BCO1: variants seen among roughly 807,000 people sequenced by gnomAD.
BCO1 encodes beta-carotene oxygenase 1, also known as beta,beta-carotene 15,15'-dioxygenase.
Under a neutral mutation model 56.3 loss-of-function variants are expected in BCO1, and 54 were observed. The ratio of observed to expected loss-of-function variants is 0.96; its 90% CI spans 0.77 to 1.20. BCO1 has a LOEUF of 1.20. Among genes scored for constraint, BCO1 ranks in the 50% most tolerant of loss-of-function variants. The pLI, the probability that BCO1 is intolerant of heterozygous loss-of-function variation, is 0.00. For synonymous variants in BCO1, 318 were observed against 266.1 expected, an observed-to-expected ratio of 1.20 and a Z score of -1.90; for missense variants, 801 against 690.9, an observed-to-expected ratio of 1.16 and a Z score of -1.79.
chr16:81,290,202 C>T lies in BCO1; in HGVS notation c.1415-146C>T. ...CTGATGCCTAGTTGCCAGGCCTTTC[C>T]CTTCTGTTACAGTGTCTCAAATTCA... On this transcript the variant is annotated intron_variant, in intron 10 of 10. Coordinates refer to ENST00000258168, the MANE Select transcript of BCO1 (RefSeq NM_017429.3). The T allele has an allele frequency of 3.9e-6, 3 of 766,764 alleles. No individual in the cohort carries two copies. In the South Asian group the frequency reaches 4.7e-5, roughly 12 times the overall value. 47.5% of individuals were successfully genotyped at this position (766,764 alleles called of 1,614,324 possible).
At chr16:81,250,469 T>C (rs1905720148) in intron 2 of BCO1, among the ~76,000 whole-genome samples, 1 of 151,970 alleles carries the variant, frequency 6.6e-6, no homozygotes, top group African/African-American at 2.4e-5. Flanking sequence ...TCAGTTCCAC[T>C]CTAGCGGGTT....
chr16:81,277,511 A>G (rs1384327606), intron 7 of BCO1, among the ~76,000 whole-genome samples: 4 of 152,180 alleles, frequency 2.6e-5, no homozygotes, highest in African/African-American at 9.7e-5. Flanking sequence ...GCTCAGATGC[A>G]GGTGGAAACC....
intron 3 of BCO1, 27 bp downstream of exon 3, chr16:81,259,832 A>T (rs1395080701): frequency 6.2e-7 from 1 of 1,614,016 alleles, no homozygotes; most frequent in South Asian, 1.1e-5. Context: ...AATCTGAGCA[A>T]ATTTCATGCT....
At chr16:81,269,244 A>G (rs1597365051) in intron 6 of BCO1, among the ~76,000 whole-genome samples, 1 of 147,578 alleles carries the variant, frequency 6.8e-6, no homozygotes, top group Admixed American at 6.8e-5. Context: ...AGCCACTGCT[A>G]CCCACTGACA....
intron 2 of BCO1, among the ~76,000 whole-genome samples, chr16:81,251,021 C>G (rs1472469984): frequency 6.6e-6 from 1 of 152,190 alleles, no homozygotes; most frequent in Non-Finnish European, 1.5e-5. Flanking sequence ...CAATGGGCCT[C>G]TAGCCTGGCT....
intron 4 of BCO1, 90 bp downstream of exon 4, chr16:81,262,373 A>T: frequency 1.4e-6 from 2 of 1,443,002 alleles, no homozygotes; most frequent in Non-Finnish European, 1.9e-6. Context: ...GCCTGCAAGC[A>T]GCTTACCAGG....
In BCO1 at chr16:81,290,739, C is replaced by G. The variant is rs189831160; in HGVS notation, c.*162C>G. The G allele has an allele frequency of 6.5e-6, 4 of 613,636 alleles. No individual in the cohort carries two copies. The African/African-American group carries it at 7.4e-5, about 11-fold the overall frequency. The allele number at this position is 613,636 out of a possible 1,614,324, so 38.0% of individuals were successfully genotyped here. Reference sequence around the variant, plus strand: ...GAGAGCTTGTCAGTATCATTTCTTTCATTTTATTTTGGCTGTAAAAATTTT... The same window carrying G: ...GAGAGCTTGTCAGTATCATTTCTTTGATTTTATTTTGGCTGTAAAAATTTT... On this transcript the variant is annotated 3_prime_UTR_variant, in exon 11 of 11. Coordinates refer to ENST00000258168, the MANE Select transcript of BCO1 (RefSeq NM_017429.3).
intron 8 of BCO1, 37 bp downstream of exon 8, chr16:81,280,999 G>A (rs1351434322): frequency 6.6e-7 from 1 of 1,513,802 alleles, no homozygotes; most frequent in African/African-American, 1.4e-5. Flanking sequence ...TTAGGAAAGG[G>A]GCAGATTTTC....
rs751597130 is a variant in BCO1, at chr16:81,259,660, G to C, written c.194-16G>C. 6.2e-6 allele frequency: 10 copies of C among 1,614,182 alleles called. No homozygotes were observed. The highest frequency in any genetic ancestry group is 8.5e-6 in the Non-Finnish European group (10 of 1,180,016). On this transcript the variant is annotated splice_polypyrimidine_tract_variant and intron_variant, in intron 2 of 10. Coordinates refer to ENST00000258168, the MANE Select transcript of BCO1 (RefSeq NM_017429.3). ...GAAGGCGTCAGCCTGAGATTATGCT[G>C]GTTCTTCTCTTGCAGGTGAAGTCTA...
chr16:81,287,489 AC>A (rs573976599), intron 10 of BCO1, 83 bp downstream of exon 10: 18 of 1,079,158 alleles, frequency 1.7e-5, no homozygotes, highest in East Asian at 2.4e-5. Context: ...GGGGCAGCTG[AC>A]CCCCCCAGGT....
chr16:81,290,424 T>C lies in BCO1; in HGVS notation c.1491T>C (p.Phe497=), dbSNP rs1400269947. ...TGCTCATTCTGGATGCCAAAAGCTT[T>C]ACGGAATTGGCCCGTGCCTCTGTTG... ...PFLLILDAKS[F]TELARASVDV... is the part of the protein sequence containing the mutation. The change falls in exon 11 of 11, where the codon TTT becomes TTC. Residue 497 remains phenylalanine, a synonymous_variant. Transcript: ENST00000258168. 2 of 1,614,216 alleles carry C rather than the reference T, an allele frequency of 1.2e-6. No homozygotes were observed. Among genetic ancestry groups the C allele is most frequent in the Admixed American group, 1.7e-5 (1 of 60,022 alleles).
chr16:81,259,534 G>A, intron 2 of BCO1, 142 bp from the exon 3 acceptor site: 2 of 759,938 alleles, frequency 2.6e-6, no homozygotes, highest in Non-Finnish European at 4.3e-6. Flanking sequence ...AATGCGAATT[G>A]TATCGGCCCT....
chr16:81,244,894 T>G lies in BCO1; in HGVS notation c.65-581T>G, dbSNP rs191098253. On this transcript the variant is annotated intron_variant, in intron 1 of 10. Coordinates refer to ENST00000258168, the MANE Select transcript of BCO1 (RefSeq NM_017429.3). ...GCCACCACAATGAGCTATGTTTTTTTGGGGGGTTTTTTTGACACAGAGTTT... is the reference window on the plus strand; with the variant it reads ...GCCACCACAATGAGCTATGTTTTTTGGGGGGGTTTTTTTGACACAGAGTTT... Among the ~76,000 whole-genome samples the G allele has an allele frequency of 7.0e-3, 1,061 of 151,890 alleles. 9 individuals carry two copies. Among genetic ancestry groups the G allele is most frequent in the Non-Finnish European group, 9.5e-3 (647 of 67,936 alleles).
chr16:81,245,101 A>G (rs1567697616), intron 1 of BCO1, among the ~76,000 whole-genome samples: 1 of 152,142 alleles, frequency 6.6e-6, no homozygotes, highest in Non-Finnish European at 1.5e-5. Flanking sequence ...CATGTTGGCC[A>G]GGCTGGTCTT....
At chr16:81,284,803 C>CTTTTT (rs1241404723) in intron 8 of BCO1, among the ~76,000 whole-genome samples, 1 of 148,204 alleles carries the variant, frequency 6.7e-6, no homozygotes, top group Non-Finnish European at 1.5e-5. Context: ...TATTTCTTTT[C>CTTTTT]TTTTTGTTTT....
chr16:81,251,154 C>T (rs111325226), intron 2 of BCO1, among the ~76,000 whole-genome samples: 3 of 151,986 alleles, frequency 2.0e-5, no homozygotes, highest in East Asian at 1.9e-4. Flanking sequence ...AGGTTAGGTG[C>T]TTAAGACCAA....
At chr16:81,272,113 C>CT (rs35402352) in intron 7 of BCO1, among the ~76,000 whole-genome samples, 9,187 of 111,330 alleles carry the variant, frequency 0.083, 937 homozygotes, top group African/African-American at 0.23. Context: ...TCTTTTCTTT[C>CT]TTTTTTTTTT....
At chr16:81,288,047 G>A (rs1201790976) in intron 10 of BCO1, among the ~76,000 whole-genome samples, 1 of 152,054 alleles carries the variant, frequency 6.6e-6, no homozygotes, top group Non-Finnish European at 1.5e-5. Flanking sequence ...GCCTGATGTG[G>A]CCCAAGGCCC....
At chr16:81,239,003 C>A in intron 1 of BCO1, 31 bp downstream of exon 1, 2 of 1,573,580 alleles carry the variant, frequency 1.3e-6, no homozygotes, top group Non-Finnish European at 1.7e-6. Context: ...TGGGCTCTTT[C>A]TTCTATTTAT....
Sources: gnomAD v4.1 joint callset for allele counts (sites outside exome capture counted in the v4.1 genomes callset) on GRCh38, gnomAD v4.1.1 for gene constraint, MANE v1.5 for transcripts, NCBI Gene and HGNC (gene_info 2026-07-23, HGNC 2026-07-21) for gene names.